The following DLC1 variants were observed in gnomAD, a reference collection of about 807,000 sequenced individuals.
DLC1 encodes DLC1 Rho GTPase activating protein.
DLC1 carries 54 observed loss-of-function variants against 140.3 expected under a neutral mutation model. That is an observed-to-expected ratio of 0.38 (90% CI 0.31 to 0.48). The LOEUF is 0.48. DLC1 is among the 20% of genes least tolerant of loss of function. DLC1 has a pLI of 0.96. For synonymous variants in DLC1, 986 were observed against 728.1 expected (o/e 1.35, Z -5.70); for missense variants, 2,536 against 1,907.0 (o/e 1.33, Z -6.14).
At chr8:13,377,367 A>G (rs985014736) in intron 4 of DLC1, among the ~76,000 whole-genome samples, 1 of 152,230 alleles carries the variant, frequency 6.6e-6, no homozygotes, top group African/African-American at 2.4e-5. Flanking sequence ...GATGGTCACA[A>G]ATATGAACAA....
chr8:13,133,146 A>G (rs958811512), intron 5 of DLC1: 6 of 1,448,278 alleles, frequency 4.1e-6, no homozygotes, highest in African/African-American at 1.4e-5. Flanking sequence ...CCCAGAAAGA[A>G]AGCGGGGTTT....
At chr8:13,152,235 C>G (rs909371405) in intron 5 of DLC1, among the ~76,000 whole-genome samples, 10 of 152,194 alleles carry the variant, frequency 6.6e-5, no homozygotes, top group African/African-American at 2.4e-4. Context: ...AAGAAGTGTT[C>G]TGAAATGACC....
intron 5 of DLC1, among the ~76,000 whole-genome samples, chr8:13,190,005 A>T (rs187167138): frequency 1.4e-4 from 21 of 152,314 alleles, no homozygotes; most frequent in African/African-American, 5.1e-4. Flanking sequence ...ACATATGATG[A>T]AGCCATCATT....
intron 3 of DLC1, among the ~76,000 whole-genome samples, chr8:13,395,698 C>T (rs569852052): frequency 1.3e-5 from 2 of 152,138 alleles, no homozygotes; most frequent in African/African-American, 2.4e-5. Flanking sequence ...TGGAAGGGTA[C>T]AAAAGACATA....
At position 13,360,962 on chromosome 8, in the gene DLC1, G is replaced by A. The variant is rs991167624; in HGVS notation, c.1314+32591C>T. Among the ~76,000 whole-genome samples the A allele has an allele frequency of 3.3e-5, 5 of 151,896 alleles. No individual in the cohort carries two copies. The South Asian group carries it at 6.2e-4, about 19-fold the overall frequency. ...AGAGACAATATTGGCTGGCTGCAGCGGCTCATGCCTGCGATCTCAATACTT... is the reference window on the plus strand; with the variant it reads ...AGAGACAATATTGGCTGGCTGCAGCAGCTCATGCCTGCGATCTCAATACTT... On this transcript the variant is annotated intron_variant, in intron 4 of 17. Coordinates refer to ENST00000276297, the MANE Select transcript of DLC1 (RefSeq NM_182643.3).
At chr8:13,414,787 C>T (rs1025343018) in intron 2 of DLC1, among the ~76,000 whole-genome samples, 6 of 151,914 alleles carry the variant, frequency 3.9e-5, no homozygotes, top group East Asian at 1.9e-4. Flanking sequence ...TTATTTGACA[C>T]GATGTTATCA....
At chr8:13,424,413 C>A (rs1563335082) in intron 2 of DLC1, among the ~76,000 whole-genome samples, 2 of 151,914 alleles carry the variant, frequency 1.3e-5, no homozygotes, top group Non-Finnish European at 2.9e-5. Context: ...TCCTTGAACC[C>A]TGGAGGCAGA....
intron 1 of DLC1, among the ~76,000 whole-genome samples, chr8:13,553,530 C>T (rs1367738175): frequency 6.6e-6 from 1 of 151,744 alleles, no homozygotes; most frequent in Non-Finnish European, 1.5e-5. Flanking sequence ...TAAAAATAAA[C>T]TTGTGGAGAC....
At chr8:13,580,342 C>T (rs1166818861) in intron 1 of DLC1, among the ~76,000 whole-genome samples, 3 of 152,078 alleles carry the variant, frequency 2.0e-5, no homozygotes, top group African/African-American at 7.2e-5. Flanking sequence ...AGGATGGCCT[C>T]GATCGCCTGA....
chr8:13,332,434 C>CTTTTT (rs5889435), intron 4 of DLC1, among the ~76,000 whole-genome samples: 4 of 148,156 alleles, frequency 2.7e-5, no homozygotes, highest in Non-Finnish European at 4.5e-5. Flanking sequence ...TTTCTTTTGT[C>CTTTTT]TTTTTTTTTT....
At chr8:13,553,671 C>T (rs941585744) in intron 1 of DLC1, among the ~76,000 whole-genome samples, 3 of 151,850 alleles carry the variant, frequency 2.0e-5, no homozygotes, top group South Asian at 4.2e-4. Flanking sequence ...TTTCTGTCCC[C>T]CTTCATGGCA....
At chr8:13,270,493 A>G (rs77412650) in intron 5 of DLC1, among the ~76,000 whole-genome samples, 2 of 152,312 alleles carry the variant, frequency 1.3e-5, no homozygotes, top group Admixed American at 6.5e-5. Flanking sequence ...CCATCTATAC[A>G]GCAATTTTCA....
At chr8:13,301,755 C>T (rs983647678) in intron 5 of DLC1, among the ~76,000 whole-genome samples, 4 of 152,090 alleles carry the variant, frequency 2.6e-5, no homozygotes, top group African/African-American at 4.8e-5. Context: ...CGAACATTAC[C>T]GTCTGAGCTC....
At chr8:13,396,824 A>C (rs1312873115) in intron 3 of DLC1, among the ~76,000 whole-genome samples, 3 of 152,154 alleles carry the variant, frequency 2.0e-5, no homozygotes, top group Non-Finnish European at 2.9e-5. Context: ...AAGCTCTCCC[A>C]AAATCTCTCA....
intron 6 of DLC1, among the ~76,000 whole-genome samples, chr8:13,113,572 G>A (rs890782539): frequency 6.6e-6 from 1 of 152,192 alleles, no homozygotes; most frequent in South Asian, 2.1e-4. Context: ...CCAAAAACGA[G>A]CATAATTGAA....
intron 1 of DLC1, among the ~76,000 whole-genome samples, chr8:13,599,382 A>G (rs1420259539): frequency 6.6e-6 from 1 of 151,996 alleles, no homozygotes; most frequent in Non-Finnish European, 1.5e-5. Context: ...GTACAAATCA[A>G]TATCTATGGG....
intron 5 of DLC1, among the ~76,000 whole-genome samples, chr8:13,149,379 C>T (rs144090643): frequency 1.4e-4 from 21 of 152,248 alleles, no homozygotes; most frequent in African/African-American, 4.1e-4. Context: ...CATTTCCTAC[C>T]CCCAGAACTT....
rs556436721 is a variant in DLC1, at chr8:13,092,906, G to C, written c.3527-81C>G. 4.3e-5 allele frequency: 62 copies of C among 1,447,082 alleles called. No individual in the cohort carries two copies. In the South Asian group the frequency reaches 7.0e-4, roughly 16 times the overall value. 89.6% of individuals were successfully genotyped at this position (1,447,082 alleles called of 1,614,324 possible). The stretch of plus-strand genomic sequence containing the variant: ...AGGAAATGTCCCAGAGCAAATATCG[G>C]CATCAAATACCTCAGCCCAGTACTG... On this transcript the variant is annotated intron_variant, in intron 12 of 17. Coordinates refer to ENST00000276297, the MANE Select transcript of DLC1 (RefSeq NM_182643.3).
rs1028261439 is a variant in DLC1 at position 13,514,838 on chromosome 8, A to C, written c.-362T>G. 1.3e-5 allele frequency: 5 copies of C among 392,518 alleles called. No homozygotes were observed. Among genetic ancestry groups the C allele is most frequent in the Admixed American group, 4.4e-5 (1 of 22,572 alleles). The allele number at this position is 392,518 out of a possible 1,614,324, so 24.3% of individuals were successfully genotyped here. On this transcript the variant is annotated 5_prime_UTR_variant, in exon 1 of 18. Coordinates refer to ENST00000276297, the MANE Select transcript of DLC1 (RefSeq NM_182643.3). ...AAGGCATTCCTAGTGACTTCTGTCT[A>C]CTAAATTCAGACTGAGGTTTTGCAA...
Sources: allele counts gnomAD v4.1 joint callset (sites outside exome capture counted in the v4.1 genomes callset), GRCh38; gene constraint gnomAD v4.1.1; transcripts MANE v1.5; gene names NCBI Gene and HGNC (gene_info 2026-07-23, HGNC 2026-07-21).